Variants in GPR107 observed in about 807,000 individuals in gnomAD.
GPR107 encodes G protein-coupled receptor 107, also known as protein GPR107.
A neutral mutation model predicts 75.5 loss-of-function variants in GPR107; 31 were observed. The ratio of observed to expected loss-of-function variants is 0.41; its 90% CI spans 0.31 to 0.55. GPR107 has a LOEUF of 0.55. Among genes scored for constraint, GPR107 ranks in the 20% least tolerant of loss-of-function variants. The pLI is 0.26. For synonymous variants in GPR107, 267 were observed against 251.3 expected, an observed-to-expected ratio of 1.06 and a Z score of -0.59; for missense variants, 572 against 665.7, an observed-to-expected ratio of 0.86 and a Z score of 1.55.
chr9:130,056,532 G>A (rs1297147318), intron 1 of GPR107, among the ~76,000 whole-genome samples: 1 of 152,174 alleles, frequency 6.6e-6, no homozygotes, highest in African/African-American at 2.4e-5. Flanking sequence ...CACATTGGAA[G>A]ATGAAAAGTT....
intron 1 of GPR107, among the ~76,000 whole-genome samples, chr9:130,060,285 A>G (rs1474192224): frequency 2.6e-5 from 4 of 151,576 alleles, no homozygotes; most frequent in Non-Finnish European, 4.4e-5. Flanking sequence ...CTGGTCTCAA[A>G]CTCCTGACCT....
Position 130,139,163 on chromosome 9 carries a change from T to G in GPR107, c.*4042T>G, listed in dbSNP as rs1441983612. ...AGGATGCCTGTGGCCTGCGGCTTGATTCTTCCCTTTAGGATTCAGCAAGTT... is the reference window on the plus strand; with the variant it reads ...AGGATGCCTGTGGCCTGCGGCTTGAGTCTTCCCTTTAGGATTCAGCAAGTT... On this transcript the variant is annotated 3_prime_UTR_variant, in exon 18 of 18. Coordinates refer to ENST00000347136, the MANE Select transcript of GPR107 (RefSeq NM_020960.5). 1.3e-5 allele frequency: 2 copies of G among 152,256 alleles called. No homozygotes were observed. The highest frequency in any genetic ancestry group is 2.9e-5 in the Non-Finnish European group (2 of 68,056). 9.4% of individuals were successfully genotyped at this position (152,256 alleles called of 1,614,324 possible).
chr9:130,093,829 A>G (rs773109924), intron 9 of GPR107, among the ~76,000 whole-genome samples: 1 of 151,546 alleles, frequency 6.6e-6, no homozygotes, highest in East Asian at 1.9e-4. Flanking sequence ...TTTTTTTTCA[A>G]GATGGATTCT....
chr9:130,131,225 C>A (rs1256251713), intron 17 of GPR107, among the ~76,000 whole-genome samples: 4 of 152,184 alleles, frequency 2.6e-5, no homozygotes. Flanking sequence ...CTTCTCACTG[C>A]TGCAGAGCCT....
chr9:130,074,699 A>G (rs1316741392), intron 1 of GPR107, among the ~76,000 whole-genome samples: 1 of 152,104 alleles, frequency 6.6e-6, no homozygotes, highest in Non-Finnish European at 1.5e-5. Flanking sequence ...TTCCTCTTGC[A>G]TAAGGCTTTG....
chr9:130,113,749 G>A (rs946321049), intron 14 of GPR107, among the ~76,000 whole-genome samples: 8 of 152,204 alleles, frequency 5.3e-5, no homozygotes, highest in Non-Finnish European at 5.9e-5. Flanking sequence ...GTTTATTAAT[G>A]TAAGAGTGTG....
chr9:130,104,399 A>G, intron 12 of GPR107, 21 bp from the exon 13 acceptor site: 2 of 1,613,016 alleles, frequency 1.2e-6, no homozygotes, highest in African/African-American at 1.3e-5. Context: ...TTGGGGCCTC[A>G]GCAACTTCTC....
chr9:130,099,681 C>CCTGGCCAT, intron 10 of GPR107, 149 bp downstream of exon 10: 1 of 581,618 alleles, frequency 1.7e-6, no homozygotes, highest in South Asian at 2.2e-5. Context: ...TCTGGGAGGG[C>CCTGGCCAT]CTGGCCATGC....
chr9:130,132,796 A>G (rs1831858324), intron 17 of GPR107, among the ~76,000 whole-genome samples: 1 of 133,312 alleles, frequency 7.5e-6, no homozygotes, highest in Non-Finnish European at 1.6e-5. Flanking sequence ...AAAAAATCAA[A>G]TAAAAAAAAA....
chr9:130,104,034 G>A (rs916946001), intron 12 of GPR107, among the ~76,000 whole-genome samples: 5 of 152,114 alleles, frequency 3.3e-5, no homozygotes, highest in African/African-American at 1.2e-4. Flanking sequence ...TGGGACAGCC[G>A]GGGCTCCTGG....
chr9:130,075,739 A>G lies in GPR107; in HGVS notation c.245A>G (p.Lys82Arg), dbSNP rs759619148. The change falls in exon 2 of 18, where the codon AAG becomes AGG. Residue 82 changes from lysine to arginine, a missense_variant. Lys to Arg is a conservative substitution (Grantham distance 26). Transcript: ENST00000347136. ...SSLSLNEPED[K>R]DVTIGFSLDR... is the part of the protein sequence containing the mutation. ...CTCTCACTGAATGAGCCTGAAGACA[A>G]GGATGTGACTGTAAGTACCTTTTAA... 32 of 1,514,116 alleles carry G rather than the reference A, an allele frequency of 2.1e-5. No homozygotes were observed. Among genetic ancestry groups the G allele is most frequent in the Non-Finnish European group, 2.9e-5 (32 of 1,089,274 alleles). 93.8% of individuals were successfully genotyped at this position (1,514,116 alleles called of 1,614,324 possible). A position where few individuals can be genotyped will look rare whatever the true frequency, so the allele number is the denominator to read the frequency against.
intron 5 of GPR107, among the ~76,000 whole-genome samples, chr9:130,080,851 C>T (rs929588633): frequency 1.3e-5 from 2 of 150,762 alleles, no homozygotes; most frequent in African/African-American, 2.4e-5. Context: ...TGTTGATTAA[C>T]CAATTTATAT....
In GPR107 at chr9:130,124,971, A is replaced by T. The variant is rs368471604; in HGVS notation, c.1356+7A>T. ...CAGACATTATTACGTCTTGGTAAGTAAAAAAAAAAAAAATCCTCAATCTAT... is the reference window on the plus strand; with the variant it reads ...CAGACATTATTACGTCTTGGTAAGTTAAAAAAAAAAAAATCCTCAATCTAT... On this transcript the variant is annotated splice_region_variant and intron_variant, in intron 15 of 17. Transcript: ENST00000347136. The T allele has an allele frequency of 5.7e-3, 5 of 874 alleles. No homozygotes were observed. The highest frequency in any genetic ancestry group is 0.038 in the South Asian group (1 of 26). The allele number at this position is 874 out of a possible 1,614,324, so 0.1% of individuals were successfully genotyped here. A position where few individuals can be genotyped will look rare whatever the true frequency, so the allele number is the denominator to read the frequency against.
chr9:130,062,937 C>T (rs1829967846), intron 1 of GPR107, among the ~76,000 whole-genome samples: 1 of 152,036 alleles, frequency 6.6e-6, no homozygotes, highest in Non-Finnish European at 1.5e-5. Flanking sequence ...GCTACTTTGT[C>T]CAGGCTGGTC....
At chr9:130,075,337 C>G (rs1475449938) in intron 1 of GPR107, among the ~76,000 whole-genome samples, 1 of 149,352 alleles carries the variant, frequency 6.7e-6, no homozygotes, top group African/African-American at 2.5e-5. Flanking sequence ...CTCCACCTCC[C>G]AGGTTCAAGC....
At chr9:130,092,491 C>A in intron 9 of GPR107, 110 bp downstream of exon 9, 1 of 847,908 alleles carries the variant, frequency 1.2e-6, no homozygotes, top group South Asian at 1.5e-5. Context: ...TTGTTCCTTT[C>A]AAAGGGCATC....
chr9:130,060,076 G>C (rs1368417945), intron 1 of GPR107, among the ~76,000 whole-genome samples: 1 of 150,866 alleles, frequency 6.6e-6, no homozygotes, highest in Non-Finnish European at 1.5e-5. Context: ...GGGGAGGTTG[G>C]GGGGCGCACG....
At chr9:130,098,825 T>G (rs549907057) in intron 9 of GPR107, among the ~76,000 whole-genome samples, 1 of 152,220 alleles carries the variant, frequency 6.6e-6, no homozygotes, top group South Asian at 2.1e-4. Context: ...CTGGCCAATG[T>G]GGTGAAACCC....
At chr9:130,055,827 C>T (rs892321160) in intron 1 of GPR107, among the ~76,000 whole-genome samples, 15 of 151,674 alleles carry the variant, frequency 9.9e-5, no homozygotes, top group African/African-American at 3.4e-4. Context: ...GCCTGTAGTC[C>T]CAGCTACTTG....
Sources: gnomAD v4.1 joint callset for allele counts (sites outside exome capture counted in the v4.1 genomes callset) on GRCh38, gnomAD v4.1.1 for gene constraint, MANE v1.5 for transcripts, NCBI Gene and HGNC (gene_info 2026-07-23, HGNC 2026-07-21) for gene names.